ENPP3: variants seen among roughly 807,000 people sequenced by gnomAD.
The protein encoded by ENPP3 is ectonucleotide pyrophosphatase/phosphodiesterase 3.
Under a neutral mutation model 117.8 loss-of-function variants are expected in ENPP3, and 104 were observed. That is an observed-to-expected ratio of 0.88 (90% CI 0.75 to 1.04). ENPP3 has a LOEUF of 1.04. Ranked by LOEUF, ENPP3 falls within the 50% of genes least tolerant of loss-of-function variation. ENPP3 has a pLI of 0.00. For missense variants in ENPP3, 1,026 were observed against 1,051.9 expected, an observed-to-expected ratio of 0.98 and a Z score of 0.34; for synonymous variants, 380 against 349.9, an observed-to-expected ratio of 1.09 and a Z score of -0.96.
rs1448621283 is a variant in ENPP3 at position 131,641,508 on chromosome 6, A to C, written c.132A>C (p.Gly44=). Residue 44 remains glycine (G), a synonymous_variant, in exon 2 of 25, where the codon GGA becomes GGC. Coordinates refer to ENST00000357639, the MANE Select transcript of ENPP3 (RefSeq NM_005021.5). ...IMSLGLGLGL[G]LRKLEKQGSC... ...CACTTGGATTAGGCCTGGGGCTTGG[A>C]CTCAGGAAACTGGAAAAGCAAGGTA... 1 of 1,609,428 alleles carries C rather than the reference A, an allele frequency of 6.2e-7. No individual in the cohort carries two copies. Among genetic ancestry groups the C allele is most frequent in the Admixed American group, 1.7e-5 (1 of 59,970 alleles).
intron 18 of ENPP3, among the ~76,000 whole-genome samples, chr6:131,723,718 A>C (rs527240658): frequency 6.6e-6 from 1 of 152,012 alleles, no homozygotes; most frequent in South Asian, 2.1e-4. Flanking sequence ...CTTAAGGAGC[A>C]CTGGGATGTT....
Position 131,720,299 on chromosome 6 carries a change from TTC to T in ENPP3, c.1489_1490del (p.Leu497GlyfsTer7). On this transcript the variant is annotated frameshift_variant, in exon 17 of 25. Transcript: ENST00000357639. LOFTEE classifies it high-confidence loss of function. ...CTGACTATTATGACCTAGGCTATCT[TTC>T]TGGCACATGGACCCAGTTTTAAAGA... 6.3e-7 allele frequency: 1 copy of T among 1,587,200 alleles called. No individual in the cohort carries two copies. Among genetic ancestry groups the T allele is most frequent in the Non-Finnish European group, 8.6e-7 (1 of 1,162,528 alleles).
intron 11 of ENPP3, among the ~76,000 whole-genome samples, chr6:131,679,027 T>TC (rs1562446886): frequency 3.7e-4 from 28 of 75,860 alleles, no homozygotes; most frequent in African/African-American, 1.7e-3. Flanking sequence ...CCTTCCTTCC[T>TC]TCTTTCTTTC....
At position 131,738,161 on chromosome 6, in the gene ENPP3, C is replaced by T. The variant is rs1322977444; in HGVS notation, c.2298C>T (p.Thr766=). The stretch of plus-strand genomic sequence containing the variant: ...ATTTTGATGCTCCAGATGAAATTAC[C>T]AAGTAAGTGATTTGACTTTTTGATT... ...DGHFDAPDEI[T]KHLANTDVPI... is the part of the protein sequence containing the mutation. The change falls in exon 23 of 25, where the codon ACC becomes ACT. Residue 766 remains threonine, a splice_region_variant and synonymous_variant. Coordinates refer to ENST00000357639, the MANE Select transcript of ENPP3 (RefSeq NM_005021.5). 1 of 1,609,432 alleles carries T rather than the reference C, an allele frequency of 6.2e-7. No individual in the cohort carries two copies.
At chr6:131,670,949 A>G (rs1005036760) in intron 6 of ENPP3, among the ~76,000 whole-genome samples, 4 of 152,304 alleles carry the variant, frequency 2.6e-5, no homozygotes, top group African/African-American at 9.6e-5. Flanking sequence ...TGGGGCCTCA[A>G]TGGCAGAGTG....
chr6:131,651,837 G>C (rs887324533), intron 3 of ENPP3, among the ~76,000 whole-genome samples: 4 of 152,162 alleles, frequency 2.6e-5, no homozygotes, highest in African/African-American at 9.7e-5. Context: ...AGAAATGCTG[G>C]GGAAGGAAGA....
At position 131,746,688 on chromosome 6, in the gene ENPP3, A is replaced by G; in HGVS notation, c.2458-98A>G. 3.7e-6 allele frequency: 4 copies of G among 1,069,620 alleles called. No homozygotes were observed. The South Asian group carries it at 4.7e-5, about 13-fold the overall frequency. The allele number at this position is 1,069,620 out of a possible 1,614,324, so 66.3% of individuals were successfully genotyped here. A position where few individuals can be genotyped will look rare whatever the true frequency, so the allele number is the denominator to read the frequency against. On this transcript the variant is annotated intron_variant, in intron 24 of 24. Coordinates refer to ENST00000357639, the MANE Select transcript of ENPP3 (RefSeq NM_005021.5). ...CAAATTAAGATTTAAGGAGGTAAAA[A>G]TCATCGGCAAAAAGACAACTTCTAA...
chr6:131,746,607 A>G (rs1184630302), intron 24 of ENPP3, among the ~76,000 whole-genome samples, 179 bp from the exon 25 acceptor site: 1 of 152,210 alleles, frequency 6.6e-6, no homozygotes, highest in Non-Finnish European at 1.5e-5. Flanking sequence ...TGTTAGTTAT[A>G]GTATACTTTG....
At chr6:131,641,381 G>T in intron 1 of ENPP3, 74 bp from the exon 2 acceptor site, 1 of 919,886 alleles carries the variant, frequency 1.1e-6, no homozygotes. Flanking sequence ...AGAGAATACT[G>T]AGAAAGGGTG....
At chr6:131,660,829 A>G (rs1051249734) in intron 6 of ENPP3, among the ~76,000 whole-genome samples, 1 of 152,220 alleles carries the variant, frequency 6.6e-6, no homozygotes, top group Admixed American at 6.5e-5. Flanking sequence ...GCAGATCCCT[A>G]GAATTTACTT....
At chr6:131,652,773 T>C in intron 4 of ENPP3, 58 bp from the exon 5 acceptor site, 1 of 1,588,586 alleles carries the variant, frequency 6.3e-7, no homozygotes, top group South Asian at 1.1e-5. Flanking sequence ...TCGGAGAATC[T>C]TTAGTTACTC....
chr6:131,720,000 C>G (rs1779980219), intron 16 of ENPP3, among the ~76,000 whole-genome samples: 1 of 152,016 alleles, frequency 6.6e-6, no homozygotes, highest in African/African-American at 2.4e-5. Context: ...CAGAATTATG[C>G]TGATATTGGT....
chr6:131,716,733 C>T (rs1425219361), intron 15 of ENPP3, among the ~76,000 whole-genome samples: 1 of 150,968 alleles, frequency 6.6e-6, no homozygotes. Flanking sequence ...CTTTGGGAGG[C>T]TGAGATGGGT....
In ENPP3 at chr6:131,674,193, A is replaced by G; in HGVS notation, c.674A>G (p.Asp225Gly). ...TATCCAGAGTCACATGGCATCATTG[A>G]CAATAATATGTATGATGTAAATCTC... ...GLYPESHGII[D>G]NNMYDVNLNK... Residue 225 changes from aspartate to glycine, a missense_variant, in exon 8 of 25, where the codon GAC becomes GGC. Coordinates refer to ENST00000357639, the MANE Select transcript of ENPP3 (RefSeq NM_005021.5). 6.3e-7 allele frequency: 1 copy of G among 1,578,234 alleles called. No individual in the cohort carries two copies. Among genetic ancestry groups the G allele is most frequent in the East Asian group, 2.2e-5 (1 of 44,626 alleles).
intron 14 of ENPP3, among the ~76,000 whole-genome samples, chr6:131,691,036 C>T (rs1779266276): frequency 6.6e-6 from 1 of 152,074 alleles, no homozygotes; most frequent in African/African-American, 2.4e-5. Context: ...GTATCACAGT[C>T]TTTGGAAATC....
chr6:131,730,265 A>G (rs1419479601), intron 20 of ENPP3, among the ~76,000 whole-genome samples: 1 of 152,174 alleles, frequency 6.6e-6, no homozygotes, highest in African/African-American at 2.4e-5. Context: ...TTCTAATTTT[A>G]CAACATACTT....
intron 11 of ENPP3, among the ~76,000 whole-genome samples, chr6:131,679,027 T>G (rs1778953763): frequency 1.3e-5 from 1 of 75,824 alleles, no homozygotes; most frequent in Non-Finnish European, 2.5e-5. Context: ...CCTTCCTTCC[T>G]TCTTTCTTTC....
chr6:131,735,892 C>G (rs972002012), intron 21 of ENPP3, among the ~76,000 whole-genome samples: 11 of 152,082 alleles, frequency 7.2e-5, no homozygotes, highest in African/African-American at 2.7e-4. Context: ...CTCTGGGGAT[C>G]TTCTGTACAG....
chr6:131,697,606 G>A (rs778275555), intron 15 of ENPP3, among the ~76,000 whole-genome samples: 15 of 151,804 alleles, frequency 9.9e-5, no homozygotes, highest in African/African-American at 1.5e-4. Flanking sequence ...ATCTGGGGGC[G>A]ATGGGAGACA....
Sources: gnomAD v4.1 joint callset for allele counts (sites outside exome capture counted in the v4.1 genomes callset) on GRCh38, gnomAD v4.1.1 for gene constraint, MANE v1.5 for transcripts, NCBI Gene and HGNC (gene_info 2026-07-23, HGNC 2026-07-21) for gene names.